PARD3B: variants seen among roughly 807,000 people sequenced by gnomAD.
The protein encoded by PARD3B is partitioning defective 3 homolog B.
Under a neutral mutation model 130.2 loss-of-function variants are expected in PARD3B, and 103 were observed. That is an observed-to-expected ratio of 0.79 (90% CI 0.67 to 0.93). PARD3B has a LOEUF of 0.93. PARD3B is among the 40% of genes least tolerant of loss of function. The pLI is 0.00. For synonymous variants in PARD3B, 583 were observed against 553.2 expected, an observed-to-expected ratio of 1.05 and a Z score of -0.76; for missense variants, 1,609 against 1,499.2, an observed-to-expected ratio of 1.07 and a Z score of -1.21.
chr2:205,089,910 A>G (rs1701998071), intron 4 of PARD3B, among the ~76,000 whole-genome samples: 1 of 152,208 alleles, frequency 6.6e-6, no homozygotes. Flanking sequence ...CTATAGAACT[A>G]TCATTTTTGC....
chr2:204,981,787 G>C lies in PARD3B; in HGVS notation c.394+16464G>C, dbSNP rs539163704. On this transcript the variant is annotated intron_variant, in intron 3 of 22. Transcript: ENST00000406610. ...ACATGGTCAGGAGAGTAGGGTGTCT[G>C]ATGACAAGAACGAGGAGTCTAATGT... Among the ~76,000 whole-genome samples the C allele has an allele frequency of 3.3e-5, 5 of 152,312 alleles. No homozygotes were observed. In the South Asian group the frequency reaches 1.0e-3, roughly 32 times the overall value.
chr2:205,328,466 G>A (rs1167937891), intron 18 of PARD3B, among the ~76,000 whole-genome samples: 1 of 151,878 alleles, frequency 6.6e-6, no homozygotes, highest in Admixed American at 6.6e-5. Flanking sequence ...GTAAATATCA[G>A]TACAAAATTA....
chr2:204,923,831 G>A (rs1026921698), intron 2 of PARD3B, among the ~76,000 whole-genome samples: 1 of 151,998 alleles, frequency 6.6e-6, no homozygotes, highest in Admixed American at 6.6e-5. Flanking sequence ...TTTATACACA[G>A]AGGTGATTGT....
chr2:205,279,081 A>AC (rs1477900917), intron 16 of PARD3B, among the ~76,000 whole-genome samples: 4 of 149,964 alleles, frequency 2.7e-5, no homozygotes, highest in East Asian at 3.9e-4. Context: ...AAAAAAAAAA[A>AC]AAAAAAAAAA....
In PARD3B at chr2:205,241,380, C is replaced by G. The variant is rs984237688; in HGVS notation, c.2141-4398C>G. Among the ~76,000 whole-genome samples the G allele has an allele frequency of 6.6e-6, 1 of 152,090 alleles. No homozygotes were observed. On this transcript the variant is annotated intron_variant, in intron 15 of 22. Coordinates refer to ENST00000406610, the MANE Select transcript of PARD3B (RefSeq NM_001302769.2). This position sits in a 1 kb window ranked among gnomAD's most constrained non-coding sequence, Gnocchi z 4.2. Reference sequence around the variant, plus strand: ...AAGAGGAGGCAGTCCATGGTACTCTCTAAGTATGTAATAATGGTTATAATA... The same window carrying G: ...AAGAGGAGGCAGTCCATGGTACTCTGTAAGTATGTAATAATGGTTATAATA...
At chr2:205,603,998 C>G (rs2054888986) in intron 22 of PARD3B, among the ~76,000 whole-genome samples, 1 of 152,120 alleles carries the variant, frequency 6.6e-6, no homozygotes, top group Admixed American at 6.5e-5. Flanking sequence ...TTTTTCCTTT[C>G]CATATTTAGT....
chr2:204,885,224 G>C (rs567095267), intron 2 of PARD3B, among the ~76,000 whole-genome samples: 18 of 152,278 alleles, frequency 1.2e-4, no homozygotes, highest in Admixed American at 1.2e-3. Flanking sequence ...TTTCTGTAAT[G>C]ATCAGTGATG....
At chr2:205,501,738 C>CAAGCTG (rs1211917785) in intron 21 of PARD3B, among the ~76,000 whole-genome samples, 1 of 152,172 alleles carries the variant, frequency 6.6e-6, no homozygotes, top group African/African-American at 2.4e-5. Context: ...TTCCTTACAT[C>CAAGCTG]AAGCTGAAAG....
At chr2:204,877,825 G>A (rs778958361) in intron 2 of PARD3B, among the ~76,000 whole-genome samples, 61 of 152,294 alleles carry the variant, frequency 4.0e-4, no homozygotes, top group South Asian at 2.1e-4. Context: ...TGTCAGTTTG[G>A]CAATACCAGT....
In PARD3B at chr2:205,125,509, G is replaced by A. The variant is rs1242599626; in HGVS notation, c.1306-100G>A. 9 of 1,356,438 alleles carry A rather than the reference G, an allele frequency of 6.6e-6. No individual in the cohort carries two copies. The highest frequency in any genetic ancestry group is 7.1e-6 in the Non-Finnish European group (7 of 989,794). The allele number at this position is 1,356,438 out of a possible 1,614,324, so 84.0% of individuals were successfully genotyped here. On this transcript the variant is annotated intron_variant, in intron 9 of 22. Coordinates refer to ENST00000406610, the MANE Select transcript of PARD3B (RefSeq NM_001302769.2). The surrounding 1 kb of genome is among the most constrained non-coding windows in gnomAD (Gnocchi z 4.0). ...TATCATCTTTTCAGAGCTTCCTCAA[G>A]TATGGGAGCCCATTTGCTTCTTGTT...
At chr2:205,168,858 C>A (rs929818040) in intron 11 of PARD3B, among the ~76,000 whole-genome samples, 3 of 152,048 alleles carry the variant, frequency 2.0e-5, no homozygotes, top group African/African-American at 7.2e-5. Flanking sequence ...TCATTGTCAT[C>A]TATGTAGAAT....
chr2:204,578,951 C>G (rs934951008), intron 1 of PARD3B, among the ~76,000 whole-genome samples: 2 of 151,876 alleles, frequency 1.3e-5, no homozygotes, highest in Non-Finnish European at 2.9e-5. Context: ...AGAGATGATT[C>G]CTCCTGTGTA....
chr2:204,722,880 C>T (rs2039060299), intron 2 of PARD3B, among the ~76,000 whole-genome samples: 1 of 151,882 alleles, frequency 6.6e-6, no homozygotes, highest in Non-Finnish European at 1.5e-5. Context: ...CACCTTCTGA[C>T]TCCCACTCTT....
intron 20 of PARD3B, among the ~76,000 whole-genome samples, chr2:205,496,598 G>C (rs1339775812): frequency 6.6e-6 from 1 of 152,120 alleles, no homozygotes; most frequent in East Asian, 1.9e-4. Flanking sequence ...CCATGCTCCT[G>C]TCAGCCACAG....
chr2:204,981,961 T>A (rs1692701443), intron 3 of PARD3B, among the ~76,000 whole-genome samples: 1 of 151,924 alleles, frequency 6.6e-6, no homozygotes, highest in South Asian at 2.1e-4. Context: ...TTCAAAAAAA[T>A]CAAGACATTG....
At chr2:205,006,077 C>A (rs1413959576) in intron 3 of PARD3B, among the ~76,000 whole-genome samples, 1 of 152,190 alleles carries the variant, frequency 6.6e-6, no homozygotes, top group Non-Finnish European at 1.5e-5. Context: ...GTTTTCCATT[C>A]CTGAGTTACT....
chr2:204,593,664 A>G (rs184031851), intron 1 of PARD3B, among the ~76,000 whole-genome samples: 1 of 152,320 alleles, frequency 6.6e-6, no homozygotes, highest in Non-Finnish European at 1.5e-5. Flanking sequence ...ACTGGGTAGA[A>G]CAGGGAGAAA....
intron 1 of PARD3B, 163 bp downstream of exon 1, chr2:204,546,282 T>C: frequency 1.0e-6 from 1 of 993,128 alleles, no homozygotes; most frequent in Non-Finnish European, 1.5e-6. Context: ...TGGGTGTCTT[T>C]GGGTGTTTGT....
chr2:205,153,014 C>CGCTCA (rs1482644617), intron 10 of PARD3B, among the ~76,000 whole-genome samples: 1 of 152,200 alleles, frequency 6.6e-6, no homozygotes, highest in Non-Finnish European at 1.5e-5. Context: ...ACACTCAGGA[C>CGCTCA]GCTCAGCTGC....
Sources: gnomAD v4.1 joint callset for allele counts (sites outside exome capture counted in the v4.1 genomes callset) on GRCh38, gnomAD v4.1.1 for gene constraint, Gnocchi (gnomAD v3.1) non-coding constraint, MANE v1.5 for transcripts, NCBI Gene and HGNC (gene_info 2026-07-23, HGNC 2026-07-21) for gene names.